KCNN3: variants seen among roughly 807,000 people sequenced by gnomAD.
KCNN3 encodes potassium calcium-activated channel subfamily N member 3, also known as small conductance calcium-activated potassium channel protein 3.
KCNN3 carries 16 observed loss-of-function variants against 62.9 expected under a neutral mutation model. The ratio of observed to expected loss-of-function variants is 0.25; its 90% confidence interval spans 0.17 to 0.39. KCNN3 has a LOEUF of 0.39. Ranked by LOEUF, KCNN3 falls within the 10% of genes least tolerant of loss-of-function variation. KCNN3 has a pLI of 1.00. For missense variants in KCNN3, 599 were observed against 949.4 expected (o/e 0.63, Z 4.85); for synonymous variants, 370 against 389.2 (o/e 0.95, Z 0.58).
chr1:154,721,301 CT>C (rs34172435), intron 5 of KCNN3, among the ~76,000 whole-genome samples: 63,301 of 117,526 alleles, frequency 0.54, 16,043 homozygotes, highest in Non-Finnish European at 0.6. Context: ...TTTTTCTTTC[CT>C]TTTTTTTTTT....
intron 1 of KCNN3, among the ~76,000 whole-genome samples, chr1:154,844,685 C>T (rs1651976536): frequency 6.6e-6 from 1 of 152,114 alleles, no homozygotes; most frequent in Non-Finnish European, 1.5e-5. Context: ...TTGGAAGGGC[C>T]ACATTTTTAC....
intron 2 of KCNN3, among the ~76,000 whole-genome samples, chr1:154,785,201 A>G (rs1240626179): frequency 6.6e-6 from 1 of 152,238 alleles, no homozygotes; most frequent in Non-Finnish European, 1.5e-5. Flanking sequence ...GGGGAGGAAC[A>G]GCATCATCAC....
rs994189054 is a variant in KCNN3, at chr1:154,816,149, G to A, written c.1029+5940C>T. 3.5e-4 allele frequency among the ~76,000 whole-genome samples: 53 copies of A among 151,750 alleles called. 2 individuals are homozygous for A. The highest frequency in any genetic ancestry group is 5.9e-5 in the Non-Finnish European group (4 of 67,910). On this transcript the variant is annotated intron_variant, in intron 2 of 7. Coordinates refer to ENST00000271915, the MANE Select transcript of KCNN3 (RefSeq NM_002249.6). ...AAGCCTCCCCTTTTTTTGGTCCCTT[G>A]TATTTCAAATTCATGAGGTTGAAGG... is the stretch of plus-strand genomic sequence containing the variant.
intron 2 of KCNN3, among the ~76,000 whole-genome samples, chr1:154,808,721 C>T (rs535525722): frequency 1.3e-5 from 2 of 152,328 alleles, no homozygotes; most frequent in African/African-American, 2.4e-5. Context: ...TGCCCACTCC[C>T]CCGCCTCCCA....
At chr1:154,834,724 T>G (rs1651516267) in intron 1 of KCNN3, among the ~76,000 whole-genome samples, 1 of 152,200 alleles carries the variant, frequency 6.6e-6, no homozygotes, top group African/African-American at 2.4e-5. Flanking sequence ...AGGAAGGAAC[T>G]GTCCCCACTT....
intron 3 of KCNN3, among the ~76,000 whole-genome samples, chr1:154,752,422 T>C (rs2101815262): frequency 6.6e-6 from 1 of 152,290 alleles, no homozygotes; most frequent in Admixed American, 6.5e-5. Flanking sequence ...TGATGTTCAG[T>C]CTGGACAGCC....
chr1:154,789,729 A>T (rs1649430291), intron 2 of KCNN3, among the ~76,000 whole-genome samples: 1 of 151,818 alleles, frequency 6.6e-6, no homozygotes, highest in Non-Finnish European at 1.5e-5. Flanking sequence ...TGCTTTTGTT[A>T]CTCTCTAGAC....
intron 1 of KCNN3, among the ~76,000 whole-genome samples, chr1:154,852,187 C>G (rs185525306): frequency 2.0e-5 from 3 of 151,262 alleles, no homozygotes; most frequent in Non-Finnish European, 4.4e-5. Context: ...ACGTTTTCAA[C>G]AACTTGAGTG....
chr1:154,769,480 C>T (rs773627402), intron 3 of KCNN3, among the ~76,000 whole-genome samples: 1 of 152,202 alleles, frequency 6.6e-6, no homozygotes, highest in Non-Finnish European at 1.5e-5. Flanking sequence ...CTAACCCAGC[C>T]TCAGCTTGGA....
At chr1:154,731,790 A>G (rs1216479179) in intron 4 of KCNN3, among the ~76,000 whole-genome samples, 1 of 152,168 alleles carries the variant, frequency 6.6e-6, no homozygotes, top group African/African-American at 2.4e-5. Flanking sequence ...ATGGAGACCC[A>G]GAGCCACACC....
intron 2 of KCNN3, among the ~76,000 whole-genome samples, chr1:154,798,564 G>A (rs1649826001): frequency 6.6e-6 from 1 of 152,220 alleles, no homozygotes; most frequent in Non-Finnish European, 1.5e-5. Context: ...TTCAGGAGCA[G>A]CCTCTATGGG....
chr1:154,859,732 A>T, intron 1 of KCNN3: 1 of 1,614,100 alleles, frequency 6.2e-7, no homozygotes, highest in Non-Finnish European at 8.5e-7. Flanking sequence ...GAAGCAAAAC[A>T]CCAAACAACT....
chr1:154,868,041 T>A (rs1467129784), intron 1 of KCNN3: 50 of 985,354 alleles, frequency 5.1e-5, no homozygotes, highest in Non-Finnish European at 5.9e-5. Flanking sequence ...AGCTCCCCGC[T>A]AAAGCCAGTG....
rs1210347815 is a variant in KCNN3, at chr1:154,772,174, G to T, written c.1249C>A (p.Leu417Met). 6.2e-7 allele frequency: 1 copy of T among 1,614,254 alleles called. No homozygotes were observed. Residue 417 changes from leucine (L) to methionine (M), a missense_variant, in exon 3 of 8, where the codon CTG becomes ATG. This residue lies in a region of KCNN3 where 288 missense variants were observed against 557.4 expected (regional missense o/e 0.52). Coordinates refer to ENST00000271915, the MANE Select transcript of KCNN3 (RefSeq NM_002249.6). The surrounding 1 kb of genome is among the most constrained non-coding windows in gnomAD (Gnocchi z 5.6). ...LSIPMFLRLY[L>M]IARVMLLHSK... Reference sequence around the variant, plus strand: ...TGCAGCAGCATGACTCGGGCGATCAGGTACAGGCGCAGGAACATGGGGATA... The same window carrying T: ...TGCAGCAGCATGACTCGGGCGATCATGTACAGGCGCAGGAACATGGGGATA...
chr1:154,856,692 G>T (rs558575701), intron 1 of KCNN3, among the ~76,000 whole-genome samples: 4 of 152,108 alleles, frequency 2.6e-5, no homozygotes, highest in Non-Finnish European at 5.9e-5. Context: ...GACAGCCCCA[G>T]CGGCCAGGTT....
chr1:154,812,254 T>TC (rs1313989307), intron 2 of KCNN3, among the ~76,000 whole-genome samples: 1 of 152,100 alleles, frequency 6.6e-6, no homozygotes, highest in East Asian at 1.9e-4. Flanking sequence ...AACAGAATAT[T>TC]CTTTTTTTTT....
chr1:154,792,901 T>C (rs1032393479), intron 2 of KCNN3, among the ~76,000 whole-genome samples: 2 of 152,134 alleles, frequency 1.3e-5, no homozygotes, highest in African/African-American at 2.4e-5. Flanking sequence ...AAACAGAAAG[T>C]TTCTCTCCTT....
chr1:154,846,203 A>C (rs566381227), intron 1 of KCNN3, among the ~76,000 whole-genome samples: 2 of 152,324 alleles, frequency 1.3e-5, no homozygotes, highest in Admixed American at 6.5e-5. Flanking sequence ...TGCCTCTCCC[A>C]GCCAGAACCC....
intron 1 of KCNN3, among the ~76,000 whole-genome samples, chr1:154,845,885 C>T (rs1170584030): frequency 1.3e-5 from 2 of 152,224 alleles, no homozygotes; most frequent in African/African-American, 2.4e-5. Context: ...CACGCACATG[C>T]TTGTTGTCCA....
Sources: allele counts gnomAD v4.1 joint callset (sites outside exome capture counted in the v4.1 genomes callset), GRCh38; gene constraint gnomAD v4.1.1; regional missense constraint gnomAD v4.1.1; non-coding constraint Gnocchi (gnomAD v3.1); transcripts MANE v1.5; gene names NCBI Gene and HGNC (gene_info 2026-07-23, HGNC 2026-07-21).